The following PRKG1 variants were observed in gnomAD, a reference collection of about 807,000 sequenced individuals.
PRKG1 encodes protein kinase cGMP-dependent 1.
PRKG1 carries 35 observed loss-of-function variants against 88.1 expected under a neutral mutation model. That is an observed-to-expected ratio of 0.40 (90% CI 0.30 to 0.53). The LOEUF (loss-of-function observed/expected upper bound fraction) is 0.53, where lower values mean the gene tolerates loss of function less well. Among genes scored for constraint, PRKG1 ranks in the 20% least tolerant of loss-of-function variants. The pLI is 0.59. For synonymous variants in PRKG1, 303 were observed against 292.5 expected (o/e 1.04, Z -0.37); for missense variants, 540 against 839.8 (o/e 0.64, Z 4.41).
chr10:51,003,794 A>G (rs1317860060), intron 1 of PRKG1, among the ~76,000 whole-genome samples: 1 of 152,046 alleles, frequency 6.6e-6, no homozygotes, highest in Non-Finnish European at 1.5e-5. Context: ...GGAGGGTTTT[A>G]TTTTTTCACC....
intron 3 of PRKG1, among the ~76,000 whole-genome samples, chr10:51,763,062 C>G (rs1259376000): frequency 6.6e-6 from 1 of 151,968 alleles, no homozygotes; most frequent in East Asian, 1.9e-4. Context: ...CATCTCGAAT[C>G]CATCTTTATT....
At chr10:51,778,025 G>A (rs1428233721) in intron 3 of PRKG1, among the ~76,000 whole-genome samples, 2 of 152,072 alleles carry the variant, frequency 1.3e-5, no homozygotes, top group Non-Finnish European at 2.9e-5. Flanking sequence ...AAGACATTTT[G>A]ATTGCTTCTG....
chr10:51,289,939 T>A (rs2132220161), intron 2 of PRKG1, among the ~76,000 whole-genome samples: 1 of 152,194 alleles, frequency 6.6e-6, no homozygotes, highest in East Asian at 1.9e-4. Context: ...ATTTATATGA[T>A]GTCCATGCCT....
chr10:51,199,541 C>A (rs1837858025), intron 2 of PRKG1, among the ~76,000 whole-genome samples: 1 of 152,300 alleles, frequency 6.6e-6, no homozygotes, highest in South Asian at 2.1e-4. Context: ...CCATTATCGG[C>A]TGTGTTACCA....
intron 1 of PRKG1, among the ~76,000 whole-genome samples, chr10:51,075,339 T>C (rs1405647764): frequency 6.6e-6 from 1 of 152,216 alleles, no homozygotes; most frequent in Non-Finnish European, 1.5e-5. Context: ...CCATACTTTC[T>C]ATGCTTTTGT....
chr10:51,781,277 C>T (rs1174851191), intron 3 of PRKG1, among the ~76,000 whole-genome samples: 1 of 152,098 alleles, frequency 6.6e-6, no homozygotes, highest in African/African-American at 2.4e-5. Context: ...GTCTTTGGGT[C>T]TGCATGTGTA....
intron 2 of PRKG1, among the ~76,000 whole-genome samples, chr10:51,223,490 A>G (rs1196952996): frequency 6.6e-6 from 1 of 152,204 alleles, no homozygotes. Flanking sequence ...TAGTGCATAC[A>G]TACACACATA....
At chr10:51,198,283 CA>C (rs1837823901) in intron 2 of PRKG1, among the ~76,000 whole-genome samples, 1 of 152,180 alleles carries the variant, frequency 6.6e-6, no homozygotes, top group Admixed American at 6.5e-5. Flanking sequence ...ACTCCAGCAG[CA>C]GAGGTAGCAT....
intron 10 of PRKG1, among the ~76,000 whole-genome samples, chr10:52,269,487 T>C (rs970374236): frequency 6.6e-6 from 1 of 152,110 alleles, no homozygotes; most frequent in East Asian, 1.9e-4. Context: ...AGTATCTTCA[T>C]GCTCCCTCCT....
At chr10:51,741,073 G>C (rs752903525) in intron 3 of PRKG1, among the ~76,000 whole-genome samples, 6 of 151,774 alleles carry the variant, frequency 4.0e-5, no homozygotes, top group African/African-American at 7.3e-5. Flanking sequence ...GAATCGAGGT[G>C]ATTTCATTCT....
intron 1 of PRKG1, among the ~76,000 whole-genome samples, chr10:51,115,116 C>G (rs1320697087): frequency 1.3e-5 from 2 of 151,290 alleles, no homozygotes; most frequent in African/African-American, 4.9e-5. Context: ...GAGTTCGAGA[C>G]TAGCCTGACC....
intron 14 of PRKG1, among the ~76,000 whole-genome samples, chr10:52,287,688 A>T (rs1240999760): frequency 2.9e-5 from 4 of 135,760 alleles, no homozygotes; most frequent in African/African-American, 5.5e-5. Context: ...CACTTCAAGG[A>T]TGGATCAGTT....
rs541229894 is a variant in PRKG1 at position 50,994,927 on chromosome 10, G to A, written c.266+3283G>A. 1.8e-4 allele frequency among the ~76,000 whole-genome samples: 27 copies of A among 152,136 alleles called. No individual in the cohort carries two copies. In the South Asian group the frequency reaches 4.0e-3, roughly 22 times the overall value. ...ATTTATATTGCATTAGGTGTTATAA[G>A]TAATCTAGAGATGAGTTAAAGTGTA... On this transcript the variant is annotated intron_variant, in intron 1 of 17. Coordinates refer to the PRKG1 transcript ENST00000401604.
intron 3 of PRKG1, among the ~76,000 whole-genome samples, chr10:51,748,673 T>C (rs1441003633): frequency 3.3e-5 from 5 of 152,198 alleles, no homozygotes; most frequent in African/African-American, 1.2e-4. Flanking sequence ...AAAATACGGG[T>C]CATGAAAATA....
At chr10:51,522,728 A>C (rs1841766241) in intron 3 of PRKG1, among the ~76,000 whole-genome samples, 1 of 152,174 alleles carries the variant, frequency 6.6e-6, no homozygotes, top group Non-Finnish European at 1.5e-5. Flanking sequence ...TCATCTCCAA[A>C]CAAAATATTG....
intron 5 of PRKG1, among the ~76,000 whole-genome samples, chr10:52,053,432 TAAC>T (rs1228396677): frequency 1.3e-5 from 2 of 152,152 alleles, no homozygotes; most frequent in African/African-American, 2.4e-5. Context: ...TAAGGACAAA[TAAC>T]AACCATCAGT....
At chr10:51,969,315 T>C (rs1337957252) in intron 5 of PRKG1, among the ~76,000 whole-genome samples, 1 of 152,138 alleles carries the variant, frequency 6.6e-6, no homozygotes, top group Non-Finnish European at 1.5e-5. Flanking sequence ...GCCTCATAAC[T>C]TTGTGAGAAA....
intron 3 of PRKG1, among the ~76,000 whole-genome samples, chr10:51,577,826 G>C (rs1462928873): frequency 6.6e-6 from 1 of 151,890 alleles, no homozygotes; most frequent in African/African-American, 2.4e-5. Context: ...TTACATCATT[G>C]GTTACTTACT....
chr10:51,552,390 G>C (rs1837161251), intron 3 of PRKG1, among the ~76,000 whole-genome samples: 1 of 151,382 alleles, frequency 6.6e-6, no homozygotes, highest in Non-Finnish European at 1.5e-5. Context: ...CTTGGTAGTT[G>C]GTAGTGTTTT....
Sources: allele counts gnomAD v4.1 joint callset (sites outside exome capture counted in the v4.1 genomes callset), GRCh38; gene constraint gnomAD v4.1.1; transcripts MANE v1.5; gene names NCBI Gene and HGNC (gene_info 2026-07-23, HGNC 2026-07-21).